The following NREP variants were observed in gnomAD, a reference collection of about 807,000 sequenced individuals.
The protein encoded by NREP is neuronal regeneration-related protein.
A neutral mutation model predicts 8.6 loss-of-function variants in NREP; 5 were observed. The ratio of observed to expected loss-of-function variants is 0.58; its 90% CI spans 0.30 to 1.22. The LOEUF (loss-of-function observed/expected upper bound fraction) is 1.22. Ranked by LOEUF, NREP falls within the 50% of genes most tolerant of loss-of-function variation. The pLI is 0.07. For synonymous variants in NREP, 27 were observed against 28.0 expected, an observed-to-expected ratio of 0.96 and a Z score of 0.11; for missense variants, 86 against 82.5, an observed-to-expected ratio of 1.04 and a Z score of -0.17.
chr5:111,906,916 T>G (rs1312033911), intron 2 of NREP, among the ~76,000 whole-genome samples: 1 of 152,022 alleles, frequency 6.6e-6, no homozygotes, highest in African/African-American at 2.4e-5. Context: ...TATTATTTTC[T>G]TTCCTTTTAC....
chr5:111,852,246 T>C (rs1753328126), intron 2 of NREP, among the ~76,000 whole-genome samples: 1 of 151,598 alleles, frequency 6.6e-6, no homozygotes, highest in African/African-American at 2.4e-5. Context: ...TGAGGGAGTG[T>C]TATGTGATTT....
At chr5:111,976,796 C>G in exon 1 of NREP, 1 of 1,504,448 alleles carries the variant, frequency 6.6e-7, no homozygotes, top group Non-Finnish European at 9.0e-7. Context: ...AAAGAAGCTT[C>G]TTGCCGGGAG....
intron 2 of NREP, among the ~76,000 whole-genome samples, chr5:111,918,738 A>C (rs986907692): frequency 2.6e-5 from 4 of 152,136 alleles, no homozygotes; most frequent in Non-Finnish European, 5.9e-5. Context: ...TTAAATGTAA[A>C]ACCTAAAACC....
At chr5:111,782,988 C>G (rs1751529023) in intron 2 of NREP, among the ~76,000 whole-genome samples, 1 of 152,146 alleles carries the variant, frequency 6.6e-6, no homozygotes, top group African/African-American at 2.4e-5. Flanking sequence ...CTGCCTCAGC[C>G]TCCCAAAATT....
At position 111,944,176 on chromosome 5, in the gene NREP, T is replaced by A. The variant is rs143157887; in HGVS notation, c.135+31098A>T. Among the ~76,000 whole-genome samples, 591 of 152,258 alleles carry A rather than the reference T, an allele frequency of 3.9e-3. 4 individuals are homozygous for A. Among genetic ancestry groups the A allele is most frequent in the African/African-American group, 0.013 (561 of 41,564 alleles). On this transcript the variant is annotated intron_variant, in intron 2 of 3. Coordinates refer to the NREP transcript ENST00000395634. ...CATTCTCTTTTATTGCTGTAACATTTGAGACCACCAATTTTTGTTTTGAAA... is the reference window on the plus strand; with the variant it reads ...CATTCTCTTTTATTGCTGTAACATTAGAGACCACCAATTTTTGTTTTGAAA...
At chr5:111,856,767 T>C (rs1753436832) in intron 2 of NREP, among the ~76,000 whole-genome samples, 1 of 152,172 alleles carries the variant, frequency 6.6e-6, no homozygotes, top group Non-Finnish European at 1.5e-5. Context: ...ACCGACTGGT[T>C]TGATGACTTG....
upstream of NREP, chr5:111,757,204 A>C: frequency 1.1e-6 from 1 of 921,906 alleles, no homozygotes; most frequent in Non-Finnish European, 1.3e-6. Flanking sequence ...TGGTTGAAAA[A>C]GGGCAACATG....
chr5:111,856,985 CTGTA>C (rs1561696043), intron 2 of NREP, among the ~76,000 whole-genome samples: 1 of 152,052 alleles, frequency 6.6e-6, no homozygotes, highest in Non-Finnish European at 1.5e-5. Context: ...GCTTTTGTTT[CTGTA>C]TGTTTCAGTT....
chr5:111,885,643 A>C (rs932426090), intron 2 of NREP, among the ~76,000 whole-genome samples: 3 of 152,136 alleles, frequency 2.0e-5, no homozygotes, highest in Admixed American at 6.5e-5. Flanking sequence ...AATGGAACAG[A>C]ACAGAGCCCT....
At chr5:111,757,802 GC>G (rs1376538912), upstream of NREP, 15 of 970,812 alleles carry the variant, frequency 1.5e-5, no homozygotes, top group Middle Eastern at 1.1e-3. Context: ...GCCTCGACGT[GC>G]GGTTGCTTTT....
At chr5:111,932,960 A>T (rs187079492) in intron 2 of NREP, among the ~76,000 whole-genome samples, 1 of 152,156 alleles carries the variant, frequency 6.6e-6, no homozygotes, top group African/African-American at 2.4e-5. Context: ...CCATAAAGGA[A>T]ACGGTTCTGT....
intron 2 of NREP, among the ~76,000 whole-genome samples, chr5:111,737,195 A>G (rs980299085): frequency 1.3e-5 from 2 of 152,184 alleles, no homozygotes; most frequent in Non-Finnish European, 2.9e-5. Flanking sequence ...CACTTCTGAC[A>G]TTTCCTTTAT....
chr5:111,911,638 A>T (rs1053073069), intron 2 of NREP, among the ~76,000 whole-genome samples: 5 of 152,110 alleles, frequency 3.3e-5, no homozygotes, highest in African/African-American at 1.2e-4. Flanking sequence ...GAGATGTCAA[A>T]GAAATTAAAT....
At chr5:111,781,281 G>C (rs1036554977) in intron 2 of NREP, among the ~76,000 whole-genome samples, 4 of 152,154 alleles carry the variant, frequency 2.6e-5, no homozygotes, top group Non-Finnish European at 5.9e-5. Context: ...CATGGCTTCT[G>C]TCTGGCTCTT....
chr5:111,761,170 T>C (rs538501559), upstream of NREP, among the ~76,000 whole-genome samples: 288 of 152,364 alleles, frequency 1.9e-3, 2 homozygotes, highest in African/African-American at 6.7e-3. Flanking sequence ...GTACAGTGTT[T>C]AGCATATAAG....
intron 2 of NREP, among the ~76,000 whole-genome samples, chr5:111,826,057 G>A (rs553446953): frequency 7.2e-5 from 11 of 151,742 alleles, no homozygotes; most frequent in East Asian, 3.9e-4. Flanking sequence ...GTGTTCAAGC[G>A]ATTCTCCTGC....
At chr5:111,764,970 A>G (rs1457669263) in intron 2 of NREP, among the ~76,000 whole-genome samples, 2 of 152,200 alleles carry the variant, frequency 1.3e-5, no homozygotes, top group African/African-American at 4.8e-5. Context: ...CCTATTTCAC[A>G]GATGAGAATC....
At chr5:111,818,016 T>C (rs535973645) in intron 2 of NREP, among the ~76,000 whole-genome samples, 233 of 152,108 alleles carry the variant, frequency 1.5e-3, no homozygotes, top group African/African-American at 5.4e-3. Flanking sequence ...AAGTCAAATA[T>C]CAGAAATTCC....
At chr5:111,869,891 A>C (rs1485130707) in intron 2 of NREP, among the ~76,000 whole-genome samples, 3 of 152,192 alleles carry the variant, frequency 2.0e-5, no homozygotes, top group Non-Finnish European at 4.4e-5. Context: ...TTGATGAAGA[A>C]ATATGTATCT....
Sources: gnomAD v4.1 joint callset for allele counts (sites outside exome capture counted in the v4.1 genomes callset) on GRCh38, gnomAD v4.1.1 for gene constraint, MANE v1.5 for transcripts, NCBI Gene and HGNC (gene_info 2026-07-23, HGNC 2026-07-21) for gene names.